Variants in CHRM3 observed in about 807,000 individuals in gnomAD.
CHRM3 encodes muscarinic acetylcholine receptor M3.
CHRM3 carries 11 observed loss-of-function variants against 41.8 expected under a neutral mutation model. The observed-to-expected ratio is 0.26, with a 90% CI of 0.17 to 0.44. The LOEUF is 0.44. CHRM3 is among the 20% of genes least tolerant of loss of function. The pLI is 1.00. For synonymous variants in CHRM3, 297 were observed against 301.4 expected (o/e 0.99, Z 0.15); for missense variants, 571 against 745.4 (o/e 0.77, Z 2.72).
At chr1:239,473,461 A>G (rs1666269049) in intron 1 of CHRM3, among the ~76,000 whole-genome samples, 3 of 152,192 alleles carry the variant, frequency 2.0e-5, no homozygotes, top group Admixed American at 2.0e-4. Context: ...AATGGCTACA[A>G]GAATGTAATG....
rs775267490 is a variant in CHRM3 at position 239,908,658 on chromosome 1, A to C, written c.1207A>C (p.Arg403=). Residue 403 remains arginine (R), a synonymous_variant, in exon 7 of 7, where the codon AGG becomes CGG. Transcript: ENST00000676153. The surrounding 1 kb of genome is among the most constrained non-coding windows in gnomAD (Gnocchi z 7.2). ...GGAGCTGGGGATGGTGGACTTGGAGAGGAAAGCCGACAAGCTGCAGGCCCA... is the reference window on the plus strand; with the variant it reads ...GGAGCTGGGGATGGTGGACTTGGAGCGGAAAGCCGACAAGCTGCAGGCCCA... The part of the protein sequence containing the change: ...EEELGMVDLE[R]KADKLQAQKS... The C allele has an allele frequency of 6.2e-7, 1 of 1,612,708 alleles. No homozygotes were observed.
chr1:239,399,184 C>A (rs1443777312), intron 1 of CHRM3, among the ~76,000 whole-genome samples: 2 of 152,086 alleles, frequency 1.3e-5, no homozygotes, highest in Non-Finnish European at 2.9e-5. Flanking sequence ...GATTTTCAGA[C>A]AATATCTCAT....
chr1:239,532,658 C>T (rs1442421358), intron 2 of CHRM3, among the ~76,000 whole-genome samples: 4 of 150,304 alleles, frequency 2.7e-5, no homozygotes, highest in South Asian at 2.1e-4. Flanking sequence ...GAGTTCCACT[C>T]TACTTGATAA....
intron 4 of CHRM3, among the ~76,000 whole-genome samples, chr1:239,639,742 G>T (rs1428624580): frequency 1.3e-5 from 2 of 151,302 alleles, no homozygotes; most frequent in Non-Finnish European, 2.9e-5. Context: ...TCTCCTAATT[G>T]AATACCCTTT....
intron 1 of CHRM3, among the ~76,000 whole-genome samples, chr1:239,402,833 C>A (rs1178081742): frequency 6.6e-6 from 1 of 152,208 alleles, no homozygotes; most frequent in African/African-American, 2.4e-5. Flanking sequence ...AAATTTAAAT[C>A]ATCTCTAGAT....
intron 1 of CHRM3, among the ~76,000 whole-genome samples, chr1:239,404,344 G>GGA (rs1660265698): frequency 8.6e-6 from 1 of 116,214 alleles, no homozygotes; most frequent in African/African-American, 3.3e-5. Flanking sequence ...AAGAAAGAAA[G>GGA]AGAAAGAGAA....
At chr1:239,494,850 A>G (rs1399241445) in intron 2 of CHRM3, among the ~76,000 whole-genome samples, 1 of 152,102 alleles carries the variant, frequency 6.6e-6, no homozygotes, top group East Asian at 1.9e-4. Context: ...TTCCAGCTTC[A>G]TCCATGTCCC....
chr1:239,523,446 T>C (rs1409705070), intron 2 of CHRM3, among the ~76,000 whole-genome samples: 17 of 152,060 alleles, frequency 1.1e-4, no homozygotes, highest in Admixed American at 1.1e-3. Context: ...TTTTTACAAG[T>C]GAAAATAACA....
rs1451210476 is a variant in CHRM3 at position 239,387,194 on chromosome 1, G to C, written c.-554G>C. On this transcript the variant is annotated 5_prime_UTR_variant, in exon 1 of 7. Coordinates refer to ENST00000676153, the MANE Select transcript of CHRM3 (RefSeq NM_001375978.1). This position sits in a 1 kb window ranked among gnomAD's most constrained non-coding sequence, Gnocchi z 5.1. ...CGCGCACCGGGCAGGCGCGGAGACC[G>C]GCGTGGGACAGCCACCTGGAGCGCA... 4 of 152,176 alleles carry C rather than the reference G, an allele frequency of 2.6e-5. No individual in the cohort carries two copies. The highest frequency in any genetic ancestry group is 5.9e-5 in the Non-Finnish European group (4 of 68,062). The allele number at this position is 152,176 out of a possible 1,614,324, so 9.4% of individuals were successfully genotyped here.
chr1:239,603,818 G>T (rs1665906598), intron 3 of CHRM3, among the ~76,000 whole-genome samples: 1 of 152,000 alleles, frequency 6.6e-6, no homozygotes, highest in South Asian at 2.1e-4. Flanking sequence ...AATTAGTCTT[G>T]CATTAAGTTC....
intron 1 of CHRM3, among the ~76,000 whole-genome samples, chr1:239,471,091 A>G (rs1253164719): frequency 1.3e-5 from 2 of 152,234 alleles, no homozygotes; most frequent in African/African-American, 4.8e-5. Context: ...AAAACTGTGT[A>G]TCTTTCTAAT....
intron 5 of CHRM3, among the ~76,000 whole-genome samples, chr1:239,796,807 A>C (rs950159064): frequency 2.0e-5 from 3 of 152,088 alleles, no homozygotes; most frequent in African/African-American, 7.2e-5. Context: ...AATAGTGTAC[A>C]TTGTACCCAG....
At chr1:239,772,686 C>T (rs1425071929) in intron 5 of CHRM3, among the ~76,000 whole-genome samples, 3 of 151,876 alleles carry the variant, frequency 2.0e-5, no homozygotes, top group Non-Finnish European at 4.4e-5. Flanking sequence ...TTTGCAAATT[C>T]TCCTACCCCA....
At chr1:239,485,524 T>C (rs1667132178) in intron 1 of CHRM3, among the ~76,000 whole-genome samples, 4 of 152,178 alleles carry the variant, frequency 2.6e-5, no homozygotes, top group Middle Eastern at 3.4e-3. Flanking sequence ...CCTTAAGCGT[T>C]CCTCCTTGGC....
At chr1:239,622,645 T>C (rs147650769) in intron 3 of CHRM3, among the ~76,000 whole-genome samples, 1 of 152,300 alleles carries the variant, frequency 6.6e-6, no homozygotes, top group African/African-American at 2.4e-5. Context: ...TGCTATCTCA[T>C]GATAAAACTT....
intron 5 of CHRM3, among the ~76,000 whole-genome samples, chr1:239,801,659 G>C (rs1670224008): frequency 6.6e-6 from 1 of 152,122 alleles, no homozygotes; most frequent in Non-Finnish European, 1.5e-5. Context: ...AAAGGAAAAT[G>C]ATATCTATAA....
intron 1 of CHRM3, among the ~76,000 whole-genome samples, chr1:239,388,383 G>A (rs1401065680): frequency 6.6e-6 from 1 of 152,108 alleles, no homozygotes; most frequent in Non-Finnish European, 1.5e-5. Flanking sequence ...TGAGTTCCAA[G>A]ACAGATAACC....
chr1:239,684,239 C>A (rs138027618), intron 5 of CHRM3, among the ~76,000 whole-genome samples: 2 of 152,182 alleles, frequency 1.3e-5, no homozygotes, highest in African/African-American at 4.8e-5. Flanking sequence ...CTGCTATGGC[C>A]CAGTCCCTGG....
chr1:239,638,718 G>C (rs1274803328), intron 4 of CHRM3, among the ~76,000 whole-genome samples: 1 of 152,036 alleles, frequency 6.6e-6, no homozygotes, highest in Non-Finnish European at 1.5e-5. Flanking sequence ...TAGGTTGCTG[G>C]TTCACTCTGA....
Sources: allele counts gnomAD v4.1 joint callset (sites outside exome capture counted in the v4.1 genomes callset), GRCh38; gene constraint gnomAD v4.1.1; non-coding constraint Gnocchi (gnomAD v3.1); transcripts MANE v1.5; gene names NCBI Gene and HGNC (gene_info 2026-07-23, HGNC 2026-07-21).